UNC5A: variants seen among roughly 807,000 people sequenced by gnomAD.
UNC5A encodes netrin receptor UNC5A.
UNC5A carries 20 observed loss-of-function variants against 87.4 expected under a neutral mutation model. That is an observed-to-expected ratio of 0.23 (90% CI 0.16 to 0.33). UNC5A has a LOEUF of 0.33. Ranked by LOEUF, UNC5A falls within the 10% of genes least tolerant of loss-of-function variation. The pLI is 1.00. For missense variants in UNC5A, 844 were observed against 1,133.4 expected (o/e 0.74, Z 3.67); for synonymous variants, 438 against 482.3 (o/e 0.91, Z 1.20).
At chr5:176,836,872 A>C (rs1474518730) in intron 1 of UNC5A, among the ~76,000 whole-genome samples, 4 of 152,236 alleles carry the variant, frequency 2.6e-5, no homozygotes, top group African/African-American at 7.2e-5. Context: ...AGGTTTAGAT[A>C]AGTTCATGGA....
At chr5:176,831,405 A>G (rs1757022927) in intron 1 of UNC5A, among the ~76,000 whole-genome samples, 1 of 151,974 alleles carries the variant, frequency 6.6e-6, no homozygotes, top group Non-Finnish European at 1.5e-5. Context: ...TGTTCATCAC[A>G]TTTTACCCAA....
intron 1 of UNC5A, among the ~76,000 whole-genome samples, chr5:176,813,105 A>G (rs1033057615): frequency 9.9e-5 from 15 of 152,190 alleles, no homozygotes; most frequent in African/African-American, 3.1e-4. Flanking sequence ...TCCCTTCAGC[A>G]TGCTCGCACC....
At chr5:176,877,739 C>A (rs774987864) in intron 10 of UNC5A, 36 bp downstream of exon 10, 1 of 1,559,920 alleles carries the variant, frequency 6.4e-7, no homozygotes, top group East Asian at 2.3e-5. Context: ...CAGAAGGGAA[C>A]GTGGGCTAAC....
rs1309043531 is a variant in UNC5A, at chr5:176,877,651, C to A, written c.1583C>A (p.Pro528His). 6.2e-7 allele frequency: 1 copy of A among 1,612,016 alleles called. No homozygotes were observed. The highest frequency in any genetic ancestry group is 1.7e-5 in the Admixed American group (1 of 59,974). ...LAMDHCGEPS[P>H]DSWSLRLKKQ... ...ATGGACCACTGTGGGGAGCCCAGCCCTGACAGCTGGAGCCTGCGCCTCAAA... is the reference window on the plus strand; with the variant it reads ...ATGGACCACTGTGGGGAGCCCAGCCATGACAGCTGGAGCCTGCGCCTCAAA... Residue 528 changes from proline (P) to histidine (H), a missense_variant, in exon 10 of 15, where the codon CCT (proline) becomes CAT (histidine). Coordinates refer to ENST00000329542, the MANE Select transcript of UNC5A (RefSeq NM_133369.3).
intron 1 of UNC5A, among the ~76,000 whole-genome samples, chr5:176,818,049 G>C (rs1222105207): frequency 2.0e-5 from 3 of 152,064 alleles, no homozygotes; most frequent in African/African-American, 4.8e-5. Flanking sequence ...TCCAGCCTCC[G>C]GGCACCGCCG....
At chr5:176,856,114 G>T (rs1056764735) in intron 1 of UNC5A, among the ~76,000 whole-genome samples, 1 of 151,274 alleles carries the variant, frequency 6.6e-6, no homozygotes, top group Non-Finnish European at 1.5e-5. Flanking sequence ...AGGGACGGAG[G>T]CCTTGCTCAG....
intron 1 of UNC5A, among the ~76,000 whole-genome samples, chr5:176,846,917 C>T (rs1757418638): frequency 6.6e-6 from 1 of 152,146 alleles, no homozygotes; most frequent in African/African-American, 2.4e-5. Flanking sequence ...GGCTGGAGCG[C>T]ATCTCAGCAG....
intron 1 of UNC5A, among the ~76,000 whole-genome samples, chr5:176,837,826 A>T (rs1207424336): frequency 6.6e-6 from 1 of 151,690 alleles, no homozygotes; most frequent in Non-Finnish European, 1.5e-5. Flanking sequence ...TGGACGTGGC[A>T]CGCTTTCAGC....
Position 176,880,141 on chromosome 5 carries a change from C to A in UNC5A, c.*255C>A. The A allele has an allele frequency of 2.0e-6, 1 of 501,820 alleles. No homozygotes were observed. The allele number at this position is 501,820 out of a possible 1,614,324, so 31.1% of individuals were successfully genotyped here. A position where few individuals can be genotyped will look rare whatever the true frequency, so the allele number is the denominator to read the frequency against. ...GGAGGGACAGTGCCTGGAGCCTGGG[C>A]CAGGCCCAGCCCATCTGTGTGTGTG... On this transcript the variant is annotated 3_prime_UTR_variant, in exon 15 of 15. Transcript: ENST00000329542.
At position 176,874,364 on chromosome 5, in the gene UNC5A, C is replaced by T. The variant is rs938567025; in HGVS notation, c.1176C>T (p.Phe392=). 6.2e-7 allele frequency: 1 copy of T among 1,613,710 alleles called. No individual in the cohort carries two copies. The highest frequency in any genetic ancestry group is 1.3e-5 in the African/African-American group (1 of 74,920). Residue 392 remains phenylalanine (F), a synonymous_variant, in exon 8 of 15, where the codon TTC becomes TTT. Coordinates refer to ENST00000329542, the MANE Select transcript of UNC5A (RefSeq NM_133369.3). The surrounding 1 kb of genome is among the most constrained non-coding windows in gnomAD (Gnocchi z 7.6). ...GGCAGGATGGGCCCAGCCCCAAGTTCCAGCTCACCAATGGGCACCTGCTCA... is the reference window on the plus strand; with the variant it reads ...GGCAGGATGGGCCCAGCCCCAAGTTTCAGCTCACCAATGGGCACCTGCTCA... ...CPRQDGPSPK[F]QLTNGHLLSP... is the part of the protein sequence containing the mutation.
At chr5:176,850,951 C>T (rs948732282) in intron 1 of UNC5A, among the ~76,000 whole-genome samples, 1 of 149,832 alleles carries the variant, frequency 6.7e-6, no homozygotes, top group South Asian at 2.1e-4. Context: ...CCAGGACTTT[C>T]CAGTGCTCCC....
chr5:176,874,538 C>G lies in UNC5A; in HGVS notation c.1350C>G (p.Leu450=). 3 of 1,577,060 alleles carry G rather than the reference C, an allele frequency of 1.9e-6. No homozygotes were observed. The highest frequency in any genetic ancestry group is 2.6e-6 in the Non-Finnish European group (3 of 1,157,950). Residue 450 remains leucine (L), a synonymous_variant, in exon 8 of 15, where the codon CTC becomes CTG. Coordinates refer to ENST00000329542, the MANE Select transcript of UNC5A (RefSeq NM_133369.3). The surrounding 1 kb of genome is among the most constrained non-coding windows in gnomAD (Gnocchi z 7.6). ...TGACCTATGGGACCTTCAACTTCCT[C>G]GGGGGCCGGCTGATGATCCCTAATA... ...SNMTYGTFNF[L]GGRLMIPNTG...
Position 176,869,051 on chromosome 5 carries a change from A to AT in UNC5A, c.721+88dup. The stretch of plus-strand genomic sequence containing the variant: ...GTGGCTGGTGGGGTGAAGAGAGGCC[A>AT]TGAGGCCAAAGCCAGGTGGACCAGA... On this transcript the variant is annotated intron_variant, in intron 5 of 14. Coordinates refer to ENST00000329542, the MANE Select transcript of UNC5A (RefSeq NM_133369.3). This position sits in a 1 kb window ranked among gnomAD's most constrained non-coding sequence, Gnocchi z 9.1. 4 of 1,430,538 alleles carry AT rather than the reference A, an allele frequency of 2.8e-6. No homozygotes were observed. Among genetic ancestry groups the AT allele is most frequent in the Non-Finnish European group, 3.7e-6 (4 of 1,070,620 alleles). 88.6% of individuals were successfully genotyped at this position (1,430,538 alleles called of 1,614,324 possible).
intron 1 of UNC5A, among the ~76,000 whole-genome samples, chr5:176,845,293 CCG>C (rs1284989261): frequency 2.0e-5 from 3 of 152,234 alleles, no homozygotes. Context: ...AAGTCTTCTG[CCG>C]CCCCTGCTTC....
At chr5:176,851,481 C>T (rs929163743) in intron 1 of UNC5A, among the ~76,000 whole-genome samples, 5 of 152,214 alleles carry the variant, frequency 3.3e-5, no homozygotes, top group African/African-American at 1.2e-4. Flanking sequence ...GAAATGCCGC[C>T]ATATGTGGGA....
At position 176,875,078 on chromosome 5, in the gene UNC5A, A is replaced by G. The variant is rs565537097; in HGVS notation, c.1378+512A>G. ...CCGAAATTCCCAAGTCCCTCAGCTT[A>G]GATGACCCCATGCGCTCCTGGTTTG... is the stretch of plus-strand genomic sequence containing the variant. On this transcript the variant is annotated intron_variant, in intron 8 of 14. Coordinates refer to ENST00000329542, the MANE Select transcript of UNC5A (RefSeq NM_133369.3). The surrounding 1 kb of genome is among the most constrained non-coding windows in gnomAD (Gnocchi z 5.2). Among the ~76,000 whole-genome samples, 68 of 152,286 alleles carry G rather than the reference A, an allele frequency of 4.5e-4. No homozygotes were observed. Among genetic ancestry groups the G allele is most frequent in the Middle Eastern group, 3.4e-3 (1 of 294 alleles).
intron 1 of UNC5A, among the ~76,000 whole-genome samples, 168 bp from the exon 2 acceptor site, chr5:176,862,456 G>A (rs1179706133): frequency 2.0e-5 from 3 of 152,178 alleles, no homozygotes; most frequent in South Asian, 4.1e-4. Context: ...ATGGAGGCCC[G>A]GGTGGGGGAT....
Position 176,844,877 on chromosome 5 carries a change from C to A in UNC5A, c.71-17747C>A, listed in dbSNP as rs547723352. ...AGCCACAGACTCCCTGCCCAGTGCTCATGACAGACAGCAGCAGTTCCACAC... is the reference window on the plus strand; with the variant it reads ...AGCCACAGACTCCCTGCCCAGTGCTAATGACAGACAGCAGCAGTTCCACAC... On this transcript the variant is annotated intron_variant, in intron 1 of 14. Transcript: ENST00000329542. The surrounding 1 kb of genome is among the most constrained non-coding windows in gnomAD (Gnocchi z 4.2). 6.6e-6 allele frequency among the ~76,000 whole-genome samples: 1 copy of A among 152,268 alleles called. No homozygotes were observed. The highest frequency in any genetic ancestry group is 1.5e-5 in the Non-Finnish European group (1 of 68,024).
chr5:176,846,759 G>T (rs1348973608), intron 1 of UNC5A, among the ~76,000 whole-genome samples: 1 of 152,186 alleles, frequency 6.6e-6, no homozygotes. Context: ...GTCCACAGCC[G>T]GTGGTGGGAG....
Sources: allele counts gnomAD v4.1 joint callset (sites outside exome capture counted in the v4.1 genomes callset), GRCh38; gene constraint gnomAD v4.1.1; non-coding constraint Gnocchi (gnomAD v3.1); transcripts MANE v1.5; gene names NCBI Gene and HGNC (gene_info 2026-07-23, HGNC 2026-07-21).